Variants in BCAR1 observed in about 807,000 individuals in gnomAD.
The protein encoded by BCAR1 is breast cancer anti-estrogen resistance protein 1.
Under a neutral mutation model 67.6 loss-of-function variants are expected in BCAR1, and 30 were observed. The ratio of observed to expected loss-of-function variants is 0.44; its 90% confidence interval spans 0.33 to 0.60. BCAR1 has a LOEUF of 0.60. Among genes scored for constraint, BCAR1 ranks in the 20% least tolerant of loss-of-function variants. BCAR1 has a pLI of 0.02. For synonymous variants in BCAR1, 626 were observed against 556.7 expected, an observed-to-expected ratio of 1.12 and a Z score of -1.75; for missense variants, 1,313 against 1,222.3, an observed-to-expected ratio of 1.07 and a Z score of -1.11.
At chr16:75,252,159 G>A (rs748138597), upstream of BCAR1, 1 of 1,526,012 alleles carries the variant, frequency 6.6e-7, no homozygotes, top group Non-Finnish European at 8.8e-7. Flanking sequence ...CACCGTGTAA[G>A]GACCCCAGGA....
At chr16:75,244,910 A>G (rs1234997138) in intron 1 of BCAR1, among the ~76,000 whole-genome samples, 2 of 152,254 alleles carry the variant, frequency 1.3e-5, no homozygotes, top group African/African-American at 4.8e-5. Context: ...GAGGGTCAGG[A>G]AGACACCAGA....
chr16:75,238,305 C>G, intron 2 of BCAR1: 1 of 1,145,480 alleles, frequency 8.7e-7, no homozygotes, highest in Non-Finnish European at 1.1e-6. Context: ...ACTGCGCCCA[C>G]ACGCCTCCAC....
At position 75,238,829 on chromosome 16, in the gene BCAR1, G is replaced by A. The variant is rs891543089; in HGVS notation, c.634-1485C>T. ...AGCGGGGCAGGCGGGGCGGAGGGACGTGGCAGGTTGGCTGGGCCTCGAGGC... is the reference window on the plus strand; with the variant it reads ...AGCGGGGCAGGCGGGGCGGAGGGACATGGCAGGTTGGCTGGGCCTCGAGGC... On this transcript the variant is annotated intron_variant, in intron 2 of 6. Coordinates refer to ENST00000162330, the MANE Select transcript of BCAR1 (RefSeq NM_014567.5). 17 of 985,324 alleles carry A rather than the reference G, an allele frequency of 1.7e-5. No individual in the cohort carries two copies. In the East Asian group the frequency reaches 7.9e-4, roughly 46 times the overall value. The allele number at this position is 985,324 out of a possible 1,614,324, so 61.0% of individuals were successfully genotyped here.
At chr16:75,245,032 T>C (rs1334038464) in intron 1 of BCAR1, among the ~76,000 whole-genome samples, 3 of 152,166 alleles carry the variant, frequency 2.0e-5, no homozygotes, top group South Asian at 2.1e-4. Flanking sequence ...CGGTGGACTA[T>C]GTCCCAGGCT....
At chr16:75,233,552 G>A (rs1242095354) in intron 6 of BCAR1, among the ~76,000 whole-genome samples, 1 of 152,238 alleles carries the variant, frequency 6.6e-6, no homozygotes, top group East Asian at 1.9e-4. Flanking sequence ...AAGGAGCAGG[G>A]CAGAGCCAGC....
rs1440214765 is a variant in BCAR1 at position 75,235,746 on chromosome 16, T to C, written c.1153A>G (p.Thr385Ala). ...CGTTCACGGGGCACATCGTACAGGGTGCCCGGGCCAGGCCGCCGCAAGCCA... is the reference window on the plus strand; with the variant it reads ...CGTTCACGGGGCACATCGTACAGGGCGCCCGGGCCAGGCCGCCGCAAGCCA... ...PPGLRRPGPGTLYDVPRERVL... is the reference protein window; with the variant it reads ...PPGLRRPGPGALYDVPRERVL... The change falls in exon 5 of 7, where the codon ACC (threonine) becomes GCC (alanine). Residue 385 changes from threonine to alanine, a missense_variant. Thr to Ala is a moderately conservative substitution (Grantham distance 58, BLOSUM62 0). This residue lies in a region of BCAR1 where 1,272 missense variants were observed against 1,137.5 expected (regional missense o/e 1.12). Transcript: ENST00000162330. 1.3e-6 allele frequency: 2 copies of C among 1,596,568 alleles called. No individual in the cohort carries two copies. The highest frequency in any genetic ancestry group is 2.7e-5 in the African/African-American group (2 of 74,616).
chr16:75,236,166 G>GCA, intron 4 of BCAR1, 180 bp from the exon 5 acceptor site: 1 of 702,696 alleles, frequency 1.4e-6, no homozygotes, highest in Admixed American at 3.1e-5. Flanking sequence ...GCACACACAC[G>GCA]CGCACACACA....
At position 75,229,424 on chromosome 16, in the gene BCAR1, G is replaced by C; in HGVS notation, c.*87C>G. On this transcript the variant is annotated 3_prime_UTR_variant, in exon 7 of 7. Transcript: ENST00000162330. Reference sequence around the variant, plus strand: ...CGCAGAGCTGGGGTCCTGTCCCTAAGCCTGTGGCACAGCGACTCTTGACAT... The same window carrying C: ...CGCAGAGCTGGGGTCCTGTCCCTAACCCTGTGGCACAGCGACTCTTGACAT... 1.4e-6 allele frequency: 2 copies of C among 1,440,526 alleles called. No homozygotes were observed. The highest frequency in any genetic ancestry group is 1.8e-6 in the Non-Finnish European group (2 of 1,097,148). 89.2% of individuals were successfully genotyped at this position (1,440,526 alleles called of 1,614,324 possible).
At chr16:75,234,707 C>T (rs1010407328) in intron 5 of BCAR1, among the ~76,000 whole-genome samples, 182 bp downstream of exon 5, 5 of 152,346 alleles carry the variant, frequency 3.3e-5, no homozygotes, top group East Asian at 3.9e-4. Context: ...AGGGACTCAA[C>T]GAAGGGCTCG....
Position 75,242,539 on chromosome 16 carries a change from C to T in BCAR1, c.564G>A (p.Gly188=), listed in dbSNP as rs756162089. The T allele has an allele frequency of 3.3e-6, 5 of 1,492,898 alleles. No homozygotes were observed. The highest frequency in any genetic ancestry group is 1.9e-4 in the Middle Eastern group (1 of 5,152). 92.5% of individuals were successfully genotyped at this position (1,492,898 alleles called of 1,614,324 possible). A position where few individuals can be genotyped will look rare whatever the true frequency, so the allele number is the denominator to read the frequency against. The part of the protein sequence containing the change: ...IYQVPPSAGM[G]HDIYQVPPSM... ...ACGGGGGGACCTGGTAGATGTCATGCCCCATCCCGGCAGAAGGTGGCACCT... is the reference window on the plus strand; with the variant it reads ...ACGGGGGGACCTGGTAGATGTCATGTCCCATCCCGGCAGAAGGTGGCACCT... Residue 188 remains glycine, a synonymous_variant, in exon 2 of 7, where the codon GGG becomes GGA. Transcript: ENST00000162330.
chr16:75,250,949 A>C (rs1227054902), intron 1 of BCAR1: 1 of 985,022 alleles, frequency 1.0e-6, no homozygotes, highest in Non-Finnish European at 1.2e-6. Flanking sequence ...TGAATCATTA[A>C]CTGGAGCCGG....
intron 1 of BCAR1, among the ~76,000 whole-genome samples, chr16:75,244,056 A>G (rs1231691095): frequency 6.6e-6 from 1 of 152,200 alleles, no homozygotes; most frequent in Non-Finnish European, 1.5e-5. Flanking sequence ...TGGGTTCCAC[A>G]GGGGCCCCAG....
intron 6 of BCAR1, among the ~76,000 whole-genome samples, chr16:75,232,356 T>G (rs2076929996): frequency 6.6e-6 from 1 of 151,840 alleles, no homozygotes; most frequent in Non-Finnish European, 1.5e-5. Flanking sequence ...GATGGGGTTT[T>G]GCCATGTTGA....
In BCAR1 at chr16:75,237,224, G is replaced by A. The variant is rs1306734181; in HGVS notation, c.754C>T (p.Pro252Ser). The A allele has an allele frequency of 1.7e-5, 27 of 1,566,120 alleles. No homozygotes were observed. The highest frequency in any genetic ancestry group is 2.3e-5 in the Non-Finnish European group (27 of 1,158,248). ...CTGGGAAGCAGCCCCCGAACCGGGGGCACATCATAGATGTCCTGTGGCCCC... is the reference window on the plus strand; with the variant it reads ...CTGGGAAGCAGCCCCCGAACCGGGGACACATCATAGATGTCCTGTGGCCCC... ...APGPQDIYDV[P>S]PVRGLLPSQY... The change falls in exon 3 of 7, where the codon CCC (proline) becomes TCC (serine). Residue 252 changes from proline (P) to serine (S), a missense_variant. Physicochemically the swap from Pro to Ser is moderately conservative, Grantham distance 74. This residue lies in a region of BCAR1 where 1,272 missense variants were observed against 1,137.5 expected (regional missense o/e 1.12). Transcript: ENST00000162330.
upstream of BCAR1, among the ~76,000 whole-genome samples, chr16:75,254,291 CT>C (rs1336442613): frequency 6.6e-6 from 1 of 152,184 alleles, no homozygotes; most frequent in Non-Finnish European, 1.5e-5. Flanking sequence ...CCAAACACCC[CT>C]GTCACACTCA....
intron 1 of BCAR1, among the ~76,000 whole-genome samples, chr16:75,244,435 G>C (rs900074093): frequency 6.6e-6 from 1 of 152,234 alleles, no homozygotes; most frequent in African/African-American, 2.4e-5. Context: ...CAAGTCCCTA[G>C]GGCCCACCCT....
Position 75,251,611 on chromosome 16 carries a change from C to T in BCAR1, c.-129G>A, listed in dbSNP as rs1597262859. On this transcript the variant is annotated 5_prime_UTR_variant, in exon 1 of 7. It adds an upstream start codon to the 5' untranslated region. Coordinates refer to ENST00000162330, the MANE Select transcript of BCAR1 (RefSeq NM_014567.5). Reference sequence around the variant, plus strand: ...CGCCGCGCAGCTGCCGCCTCGGCCACCCAGAGCCGGTCCAGCCGCTCTCCG... The same window carrying T: ...CGCCGCGCAGCTGCCGCCTCGGCCATCCAGAGCCGGTCCAGCCGCTCTCCG... 9.8e-7 allele frequency: 1 copy of T among 1,017,894 alleles called. No individual in the cohort carries two copies. The highest frequency in any genetic ancestry group is 1.7e-5 in the African/African-American group (1 of 57,798). 63.1% of individuals were successfully genotyped at this position (1,017,894 alleles called of 1,614,324 possible).
At chr16:75,243,134 G>T in intron 1 of BCAR1, 44 bp from the exon 2 acceptor site, 1 of 1,529,506 alleles carries the variant, frequency 6.5e-7, no homozygotes, top group Non-Finnish European at 8.8e-7. Flanking sequence ...GGATGTGCAT[G>T]GGGCGTCAGG....
rs1278185747 is a variant in BCAR1 at position 75,229,484 on chromosome 16, C to T, written c.*27G>A. The T allele has an allele frequency of 1.3e-6, 2 of 1,507,632 alleles. No individual in the cohort carries two copies. Among genetic ancestry groups the T allele is most frequent in the South Asian group, 2.6e-5 (2 of 78,348 alleles). The allele number at this position is 1,507,632 out of a possible 1,614,324, so 93.4% of individuals were successfully genotyped here. A position where few individuals can be genotyped will look rare whatever the true frequency, so the allele number is the denominator to read the frequency against. ...GGAGCTGGGACCGCCGCACCCCTCC[C>T]CTGCCTCCCTCCTGGGGTCACCACC... On this transcript the variant is annotated 3_prime_UTR_variant, in exon 7 of 7. Transcript: ENST00000162330.
Sources: allele counts gnomAD v4.1 joint callset (sites outside exome capture counted in the v4.1 genomes callset), GRCh38; gene constraint gnomAD v4.1.1; regional missense constraint gnomAD v4.1.1; transcripts MANE v1.5; gene names NCBI Gene and HGNC (gene_info 2026-07-23, HGNC 2026-07-21).